SULT1C4: variants seen among roughly 807,000 people sequenced by gnomAD.
SULT1C4 encodes sulfotransferase 1C4.
In SULT1C4, 32 loss-of-function variants were observed where a neutral mutation model predicts 34.8. The ratio of observed to expected loss-of-function variants is 0.92; its 90% CI spans 0.69 to 1.23. The LOEUF is 1.23. Ranked by LOEUF, SULT1C4 falls within the 50% of genes most tolerant of loss-of-function variation. SULT1C4 has a pLI of 0.00. For synonymous variants in SULT1C4, 111 were observed against 120.5 expected (o/e 0.92, Z 0.51); for missense variants, 375 against 365.9 (o/e 1.02, Z -0.20).
In SULT1C4 at chr2:108,386,200, G is replaced by A. The variant is rs1328070803; in HGVS notation, c.624G>A (p.Lys208=). Residue 208 remains lysine (K), a synonymous_variant, in exon 6 of 7, where the codon AAG becomes AAA. Coordinates refer to ENST00000272452, the MANE Select transcript of SULT1C4 (RefSeq NM_006588.4). ...LFYEDMKKNP[K]HEIQKLAEFI... is the part of the protein sequence containing the mutation. ...TTTGACTCTGATCATAGAACCCAAA[G>A]CATGAAATTCAGAAGCTGGCAGAAT... The A allele has an allele frequency of 5.3e-6, 8 of 1,497,756 alleles. No homozygotes were observed. In the Admixed American group the frequency reaches 1.5e-4, roughly 28 times the overall value. 92.8% of individuals were successfully genotyped at this position (1,497,756 alleles called of 1,614,324 possible). A position where few individuals can be genotyped will look rare whatever the true frequency, so the allele number is the denominator to read the frequency against.
intron 1 of SULT1C4, among the ~76,000 whole-genome samples, chr2:108,380,356 A>T (rs1000122491): frequency 6.6e-6 from 1 of 152,020 alleles, no homozygotes; most frequent in East Asian, 1.9e-4. Flanking sequence ...GTACAAAAAA[A>T]AAATAAAAAT....
At chr2:108,380,224 G>C (rs1690989640) in intron 1 of SULT1C4, among the ~76,000 whole-genome samples, 2 of 152,298 alleles carry the variant, frequency 1.3e-5, no homozygotes, top group South Asian at 4.1e-4. Context: ...GATTCAGAAA[G>C]CCATCCTGGC....
In SULT1C4 at chr2:108,387,396, G is replaced by A; in HGVS notation, c.873G>A (p.Met291Ile). ...ERFDEDYKKK[M>I]TDTRLTFHFQ... ...TTGATGAAGATTACAAGAAGAAAAT[G>A]ACTGATACCAGACTAACTTTCCACT... The change falls in exon 7 of 7, where the codon ATG becomes ATA. Residue 291 changes from methionine (M) to isoleucine (I), a missense_variant. By Grantham distance (10) the Met-to-Ile change is conservative (BLOSUM62 1). Coordinates refer to ENST00000272452, the MANE Select transcript of SULT1C4 (RefSeq NM_006588.4). 3.7e-6 allele frequency: 6 copies of A among 1,613,644 alleles called. No individual in the cohort carries two copies. The highest frequency in any genetic ancestry group is 5.1e-6 in the Non-Finnish European group (6 of 1,179,766).
intron 1 of SULT1C4, among the ~76,000 whole-genome samples, chr2:108,379,474 A>G (rs1338711725): frequency 2.0e-5 from 3 of 152,216 alleles, no homozygotes; most frequent in Non-Finnish European, 4.4e-5. Context: ...GCCACTGGTG[A>G]GGATCACATC....
intron 5 of SULT1C4, 122 bp from the exon 6 acceptor site, chr2:108,386,067 TTTG>T: frequency 1.4e-6 from 1 of 720,770 alleles, no homozygotes; most frequent in Non-Finnish European, 2.0e-6. Context: ...CACTTGAGCA[TTTG>T]TTAAGATTTG....
chr2:108,383,122 C>A lies in SULT1C4; in HGVS notation c.423C>A (p.Asp141Glu). Residue 141 changes from aspartate (D) to glutamate (E), a missense_variant, in exon 4 of 7, where the codon GAC becomes GAA. By Grantham distance (45) the Asp-to-Glu change is conservative. Coordinates refer to ENST00000272452, the MANE Select transcript of SULT1C4 (RefSeq NM_006588.4). Reference sequence around the variant, plus strand: ...TCTATGTAGCAAGAAATCCCAAGGACAACATGGTGTCCTATTACCATTTCC... The same window carrying A: ...TCTATGTAGCAAGAAATCCCAAGGAAAACATGGTGTCCTATTACCATTTCC... The part of the protein sequence containing the change: ...KIIYVARNPK[D>E]NMVSYYHFQR... The A allele has an allele frequency of 1.9e-6, 3 of 1,608,014 alleles. No homozygotes were observed. The highest frequency in any genetic ancestry group is 2.5e-6 in the Non-Finnish European group (3 of 1,177,690).
intron 1 of SULT1C4, 29 bp downstream of exon 1, chr2:108,378,535 G>A: frequency 6.2e-7 from 1 of 1,606,274 alleles, no homozygotes; most frequent in Non-Finnish European, 8.5e-7. Flanking sequence ...AGGGGAAGGG[G>A]AAGAGGAGAG....
In SULT1C4 at chr2:108,382,400, A is replaced by T; in HGVS notation, c.311A>T (p.His104Leu). ...PSLGSGLEQA[H>L]AMPSPRILKT... ...AGTTTTGCAGGTTTGGAACAAGCTCATGCAATGCCCTCACCACGGATCCTG... is the reference window on the plus strand; with the variant it reads ...AGTTTTGCAGGTTTGGAACAAGCTCTTGCAATGCCCTCACCACGGATCCTG... Residue 104 changes from histidine to leucine, a missense_variant, in exon 3 of 7, where the codon CAT becomes CTT. By Grantham distance (99) the His-to-Leu change is moderately conservative (BLOSUM62 -3). Transcript: ENST00000272452. 1 of 1,614,030 alleles carries T rather than the reference A, an allele frequency of 6.2e-7. No individual in the cohort carries two copies. The highest frequency in any genetic ancestry group is 8.5e-7 in the Non-Finnish European group (1 of 1,179,938).
chr2:108,379,608 G>A (rs1424065115), intron 1 of SULT1C4, among the ~76,000 whole-genome samples: 1 of 152,130 alleles, frequency 6.6e-6, no homozygotes, highest in Admixed American at 6.6e-5. Flanking sequence ...TGGCATTAAT[G>A]AGGTTTAAGC....
At chr2:108,381,628 C>G in intron 1 of SULT1C4, 134 bp from the exon 2 acceptor site, 1 of 1,012,416 alleles carries the variant, frequency 9.9e-7, no homozygotes, top group Non-Finnish European at 1.3e-6. Context: ...TGATACAGAG[C>G]AAGACCCTGT....
chr2:108,387,608 C>A lies in SULT1C4; in HGVS notation c.*176C>A. On this transcript the variant is annotated 3_prime_UTR_variant, in exon 7 of 7. Coordinates refer to ENST00000272452, the MANE Select transcript of SULT1C4 (RefSeq NM_006588.4). The stretch of plus-strand genomic sequence containing the variant: ...TAAAAGGCTGGAGGCAAGGTGGTGA[C>A]AGGCAGCAGGGTGGCGACATGGAGA... 1 of 567,556 alleles carries A rather than the reference C, an allele frequency of 1.8e-6. No homozygotes were observed. Among genetic ancestry groups the A allele is most frequent in the Non-Finnish European group, 3.1e-6 (1 of 323,896 alleles). 35.2% of individuals were successfully genotyped at this position (567,556 alleles called of 1,614,324 possible). A position where few individuals can be genotyped will look rare whatever the true frequency, so the allele number is the denominator to read the frequency against.
At chr2:108,380,082 ATAAAATG>A (rs1196684891) in intron 1 of SULT1C4, among the ~76,000 whole-genome samples, 3 of 152,242 alleles carry the variant, frequency 2.0e-5, no homozygotes, top group African/African-American at 7.2e-5. Flanking sequence ...ACTATAAAAT[ATAAAATG>A]TAATTTAATT....
chr2:108,380,292 T>A (rs1435645629), intron 1 of SULT1C4, among the ~76,000 whole-genome samples: 3 of 151,982 alleles, frequency 2.0e-5, no homozygotes. Context: ...GACAGGGGGA[T>A]CTTTTGAGGC....
chr2:108,382,745 A>C, intron 3 of SULT1C4: 1 of 419,314 alleles, frequency 2.4e-6, no homozygotes, highest in Non-Finnish European at 4.2e-6. Flanking sequence ...CTCTACCAAA[A>C]ACACAAAATT....
In SULT1C4 at chr2:108,386,281, G is replaced by A. The variant is rs2293068; in HGVS notation, c.705G>A (p.Ser235=). 1.2e-4 allele frequency: 196 copies of A among 1,585,204 alleles called. No homozygotes were observed. The East Asian group carries it at 2.6e-3, about 21-fold the overall frequency. ...KVLDKIVHYT[S]FDVMKQNPMA... ...TAGATAAAATTGTCCATTACACTTC[G>A]TTTGATGTCATGAAACAGAATCCAA... The change falls in exon 6 of 7, where the codon TCG becomes TCA. Residue 235 remains serine, a synonymous_variant. Transcript: ENST00000272452.
Position 108,386,298 on chromosome 2 carries a change from A to G in SULT1C4, c.722A>G (p.Gln241Arg). The G allele has an allele frequency of 6.3e-7, 1 of 1,585,788 alleles. No homozygotes were observed. The highest frequency in any genetic ancestry group is 2.3e-5 in the East Asian group (1 of 43,882). The change falls in exon 6 of 7, where the codon CAG becomes CGG. Residue 241 changes from glutamine (Q) to arginine (R), a missense_variant. By Grantham distance (43) the Gln-to-Arg change is conservative. Coordinates refer to ENST00000272452, the MANE Select transcript of SULT1C4 (RefSeq NM_006588.4). Reference protein sequence around the residue: ...VHYTSFDVMKQNPMANYSSIP... With the variant: ...VHYTSFDVMKRNPMANYSSIP... ...TACACTTCGTTTGATGTCATGAAAC[A>G]GAATCCAATGGCAAACTATTCATCG... is the stretch of plus-strand genomic sequence containing the variant.
In SULT1C4 at chr2:108,388,676, C is replaced by T. The variant is rs758507591; in HGVS notation, c.*1244C>T. ...CCATGCATTCAAGAGCAGCTATAACCATAATGACTCCAGCCTTCACACTTC... is the reference window on the plus strand; with the variant it reads ...CCATGCATTCAAGAGCAGCTATAACTATAATGACTCCAGCCTTCACACTTC... On this transcript the variant is annotated 3_prime_UTR_variant, in exon 7 of 7. Coordinates refer to ENST00000272452, the MANE Select transcript of SULT1C4 (RefSeq NM_006588.4). Among the ~76,000 whole-genome samples the T allele has an allele frequency of 3.9e-5, 6 of 152,190 alleles. No individual in the cohort carries two copies. The highest frequency in any genetic ancestry group is 1.9e-4 in the East Asian group (1 of 5,200).
Position 108,378,251 on chromosome 2 carries a change from A to T in SULT1C4, c.-87A>T. On this transcript the variant is annotated 5_prime_UTR_variant, in exon 1 of 7. Transcript: ENST00000272452. ...GCTGGATAGTGTGGTAGTGTGGTGGATAGAGTGCTGCCTCTATCCACAACG... is the reference window on the plus strand; with the variant it reads ...GCTGGATAGTGTGGTAGTGTGGTGGTTAGAGTGCTGCCTCTATCCACAACG... The T allele has an allele frequency of 7.6e-7, 1 of 1,322,790 alleles. No homozygotes were observed. Among genetic ancestry groups the T allele is most frequent in the Non-Finnish European group, 1.1e-6 (1 of 943,520 alleles). The allele number at this position is 1,322,790 out of a possible 1,614,324, so 81.9% of individuals were successfully genotyped here.
chr2:108,383,040 AAAAAAT>A lies in SULT1C4; in HGVS notation c.394-52_394-47del. ...GGGCAGTAACAGCAAAAAAAAAAAAAAAAAATTCCTGTTTTTTTGCTTCTTCCCTTC... is the reference window on the plus strand; with the variant it reads ...GGGCAGTAACAGCAAAAAAAAAAAAATCCTGTTTTTTTGCTTCTTCCCTTC... On this transcript the variant is annotated intron_variant, in intron 3 of 6. Transcript: ENST00000272452. The A allele has an allele frequency of 2.6e-6, 4 of 1,518,306 alleles. No homozygotes were observed. The African/African-American group carries it at 4.2e-5, about 16-fold the overall frequency. The allele number at this position is 1,518,306 out of a possible 1,614,324, so 94.1% of individuals were successfully genotyped here.
Sources: gnomAD v4.1 joint callset for allele counts (sites outside exome capture counted in the v4.1 genomes callset) on GRCh38, gnomAD v4.1.1 for gene constraint, MANE v1.5 for transcripts, NCBI Gene and HGNC (gene_info 2026-07-23, HGNC 2026-07-21) for gene names.